RYR2: variants seen among roughly 807,000 people sequenced by gnomAD.
RYR2 encodes the protein cardiac muscle ryanodine receptor-calcium release channel.
A neutral mutation model predicts 601.1 loss-of-function variants in RYR2; 227 were observed. The ratio of observed to expected loss-of-function variants is 0.38; its 90% CI spans 0.34 to 0.42. The LOEUF is 0.42. Ranked by LOEUF, RYR2 falls within the 10% of genes least tolerant of loss-of-function variation. The pLI, the probability that RYR2 is intolerant of heterozygous loss-of-function variation, is 1.00. For synonymous variants in RYR2, 2,223 were observed against 2,175.1 expected (o/e 1.02, Z -0.61); for missense variants, 4,646 against 6,156.5 (o/e 0.75, Z 8.21).
intron 8 of RYR2, among the ~76,000 whole-genome samples, chr1:237,384,443 C>T (rs776531469): frequency 2.6e-5 from 4 of 152,206 alleles, no homozygotes; most frequent in African/African-American, 4.8e-5. Context: ...TGTATGTCCC[C>T]GTATCTCCAC....
chr1:237,150,378 G>A (rs866171943), intron 1 of RYR2, among the ~76,000 whole-genome samples: 1 of 152,164 alleles, frequency 6.6e-6, no homozygotes, highest in African/African-American at 2.4e-5. Flanking sequence ...TATCATTGAT[G>A]GGATGAATTC....
intron 69 of RYR2, 114 bp downstream of exon 69, chr1:237,709,212 A>G (rs1291711125): frequency 2.0e-6 from 2 of 1,002,706 alleles, no homozygotes; most frequent in East Asian, 2.5e-5. Context: ...GTTGGTAATT[A>G]TAATTAACTG....
intron 17 of RYR2, among the ~76,000 whole-genome samples, chr1:237,485,021 T>G (rs1047923675): frequency 3.9e-5 from 6 of 152,228 alleles, no homozygotes; most frequent in Non-Finnish European, 5.9e-5. Context: ...GCCTCAATTT[T>G]GTGTTCTACA....
At chr1:237,247,633 C>T (rs543136911) in intron 1 of RYR2, among the ~76,000 whole-genome samples, 20 of 152,258 alleles carry the variant, frequency 1.3e-4, no homozygotes, top group Admixed American at 9.8e-4. Context: ...CATTGTGGCT[C>T]ATCCAGGAGT....
At chr1:237,698,575 T>G (rs1687697166) in intron 63 of RYR2, among the ~76,000 whole-genome samples, 1 of 152,142 alleles carries the variant, frequency 6.6e-6, no homozygotes, top group Admixed American at 6.6e-5. Context: ...GAATGAAAAT[T>G]TTTAAACTTT....
At position 237,405,972 on chromosome 1, in the gene RYR2, T is replaced by C. The variant is rs548902848; in HGVS notation, c.774-11077T>C. On this transcript the variant is annotated intron_variant, in intron 10 of 104. Coordinates refer to ENST00000366574, the MANE Select transcript of RYR2 (RefSeq NM_001035.3). ...TTCTTGCACTTTGAATATGGCAGCATTCTACTTCATGATTCTGCAGCCTTT... is the reference window on the plus strand; with the variant it reads ...TTCTTGCACTTTGAATATGGCAGCACTCTACTTCATGATTCTGCAGCCTTT... Among the ~76,000 whole-genome samples the C allele has an allele frequency of 2.3e-4, 34 of 150,232 alleles. No individual in the cohort carries two copies. The East Asian group carries it at 6.6e-3, about 29-fold the overall frequency.
intron 17 of RYR2, among the ~76,000 whole-genome samples, chr1:237,481,214 T>C (rs558896920): frequency 6.6e-6 from 1 of 151,824 alleles, no homozygotes; most frequent in East Asian, 1.9e-4. Flanking sequence ...ATTTATTTCA[T>C]GAGTTAACCC....
chr1:237,452,230 A>G (rs912886264), intron 14 of RYR2, among the ~76,000 whole-genome samples: 1 of 146,540 alleles, frequency 6.8e-6, no homozygotes, highest in Middle Eastern at 3.6e-3. Flanking sequence ...TGGATATATT[A>G]TGTAGTATAT....
At chr1:237,230,315 G>T in intron 1 of RYR2, among the ~76,000 whole-genome samples, 1 of 152,162 alleles carries the variant, frequency 6.6e-6, no homozygotes, top group South Asian at 2.1e-4. Context: ...AGAGAATGCT[G>T]CATTAAGCTT....
At chr1:237,542,958 C>A (rs567859766) in intron 25 of RYR2, among the ~76,000 whole-genome samples, 3 of 152,302 alleles carry the variant, frequency 2.0e-5, no homozygotes, top group African/African-American at 7.2e-5. Flanking sequence ...CTCTCCCCTC[C>A]TGTAGGCTCT....
At chr1:237,349,975 A>G (rs548306904) in intron 3 of RYR2, among the ~76,000 whole-genome samples, 2 of 152,282 alleles carry the variant, frequency 1.3e-5, no homozygotes, top group African/African-American at 2.4e-5. Context: ...ACTTTATGAT[A>G]TGTAAATTAT....
intron 4 of RYR2, among the ~76,000 whole-genome samples, chr1:237,356,427 A>G (rs1699299711): frequency 1.4e-5 from 2 of 140,892 alleles, no homozygotes; most frequent in Admixed American, 1.4e-4. Flanking sequence ...AAAGTCATAG[A>G]ACCTTTTTTT....
At chr1:237,338,462 C>T (rs909846401) in intron 3 of RYR2, among the ~76,000 whole-genome samples, 3 of 152,084 alleles carry the variant, frequency 2.0e-5, no homozygotes, top group East Asian at 3.8e-4. Context: ...TTAACAATAA[C>T]ATTAATCAAA....
intron 29 of RYR2, among the ~76,000 whole-genome samples, chr1:237,581,110 C>T (rs1673869673): frequency 6.6e-6 from 1 of 152,198 alleles, no homozygotes; most frequent in Non-Finnish European, 1.5e-5. Context: ...GTTTGAAGAG[C>T]TAACCATATC....
chr1:237,454,244 A>G (rs1031831611), intron 14 of RYR2, 147 bp from the exon 15 acceptor site: 1 of 746,914 alleles, frequency 1.3e-6, no homozygotes, highest in African/African-American at 1.8e-5. Flanking sequence ...ATCCATGATC[A>G]CTGCTTTTGG....
chr1:237,776,129 A>T (rs145687313), intron 87 of RYR2, among the ~76,000 whole-genome samples: 1,658 of 152,298 alleles, frequency 0.011, 17 homozygotes, highest in Middle Eastern at 0.02. Context: ...AAAAATGGCT[A>T]TCTAGTGTTC....
intron 25 of RYR2, among the ~76,000 whole-genome samples, chr1:237,532,102 T>G (rs1668191079): frequency 6.6e-6 from 1 of 151,958 alleles, no homozygotes; most frequent in Admixed American, 6.6e-5. Context: ...AGTCATTAAG[T>G]TAAAATTTTC....
At chr1:237,374,485 A>G (rs1042029098) in intron 6 of RYR2, among the ~76,000 whole-genome samples, 2 of 152,202 alleles carry the variant, frequency 1.3e-5, no homozygotes, top group African/African-American at 2.4e-5. Flanking sequence ...TGGTGAAACC[A>G]TATCTCTACA....
At chr1:237,813,927 C>T (rs1162381997) in intron 100 of RYR2, among the ~76,000 whole-genome samples, 1 of 152,190 alleles carries the variant, frequency 6.6e-6, no homozygotes, top group African/African-American at 2.4e-5. Context: ...TTCCAAGACA[C>T]AAGCCACTTT....
Sources: gnomAD v4.1 joint callset for allele counts (sites outside exome capture counted in the v4.1 genomes callset) on GRCh38, gnomAD v4.1.1 for gene constraint, MANE v1.5 for transcripts, NCBI Gene and HGNC (gene_info 2026-07-23, HGNC 2026-07-21) for gene names.